The following NALF1 variants were observed in gnomAD, a reference collection of about 807,000 sequenced individuals.
The protein encoded by NALF1 is family with sequence similarity 155 member A.
Under a neutral mutation model 48.4 loss-of-function variants are expected in NALF1, and 3 were observed. The observed-to-expected ratio is 0.06, with a 90% CI of 0.03 to 0.16. NALF1 has a LOEUF of 0.16. NALF1 is among the 10% of genes least tolerant of loss of function. NALF1 has a pLI of 1.00. For synonymous variants in NALF1, 262 were observed against 245.7 expected (o/e 1.07, Z -0.62); for missense variants, 526 against 571.5 (o/e 0.92, Z 0.81).
At chr13:107,234,706 A>G (rs1294017448) in intron 1 of NALF1, among the ~76,000 whole-genome samples, 3 of 66,612 alleles carry the variant, frequency 4.5e-5, no homozygotes, top group Admixed American at 1.1e-4. Flanking sequence ...ATAAGCTTAG[A>G]AAAAAAAACC....
intron 1 of NALF1, among the ~76,000 whole-genome samples, chr13:107,384,935 T>G (rs927821864): frequency 6.6e-5 from 10 of 152,220 alleles, no homozygotes; most frequent in Non-Finnish European, 1.3e-4. Context: ...ATCCACTGCT[T>G]AGCTCTGGGA....
At position 107,769,153 on chromosome 13, in the gene NALF1, C is replaced by G. The variant is rs999944954; in HGVS notation, c.915+96529G>C. Among the ~76,000 whole-genome samples the G allele has an allele frequency of 1.5e-4, 22 of 148,418 alleles. 1 individual carries two copies. Among genetic ancestry groups the G allele is most frequent in the African/African-American group, 4.9e-4 (20 of 40,498 alleles). ...GTGGCAATTCCTCAGGGATCTAGAA[C>G]TGGAAATACCATTTGACCCAGCCAT... On this transcript the variant is annotated intron_variant, in intron 1 of 2. Coordinates refer to ENST00000375915, the MANE Select transcript of NALF1 (RefSeq NM_001080396.3).
rs185350304 is a variant in NALF1 at position 107,261,821 on chromosome 13, T to C, written c.916-51066A>G. Among the ~76,000 whole-genome samples the C allele has an allele frequency of 2.2e-3, 332 of 152,242 alleles. 1 individual carries two copies. Among genetic ancestry groups the C allele is most frequent in the Non-Finnish European group, 4.2e-3 (286 of 68,008 alleles). On this transcript the variant is annotated intron_variant, in intron 1 of 2. Coordinates refer to ENST00000375915, the MANE Select transcript of NALF1 (RefSeq NM_001080396.3). ...TTGAGCAAATAAATCACTAATTTCA[T>C]TATCAAACTAATAAAATAAATATAT...
intron 1 of NALF1, among the ~76,000 whole-genome samples, chr13:107,672,265 T>G (rs1177560351): frequency 6.6e-6 from 1 of 152,206 alleles, no homozygotes; most frequent in Non-Finnish European, 1.5e-5. Flanking sequence ...AGAGGAAGAT[T>G]GACTATTATA....
intron 1 of NALF1, among the ~76,000 whole-genome samples, chr13:107,507,320 T>C (rs115107068): frequency 0.038 from 5,841 of 152,046 alleles, 213 homozygotes; most frequent in African/African-American, 0.091. Context: ...AGCAGGAAGA[T>C]AGGGCTTCTT....
chr13:107,679,170 T>C (rs113000257), intron 1 of NALF1, among the ~76,000 whole-genome samples: 11 of 152,210 alleles, frequency 7.2e-5, no homozygotes, highest in Non-Finnish European at 1.5e-4. Flanking sequence ...AATATGATAA[T>C]TGCATCTAAA....
chr13:107,518,993 G>A (rs1002307338), intron 1 of NALF1, among the ~76,000 whole-genome samples: 2 of 152,172 alleles, frequency 1.3e-5, no homozygotes, highest in Non-Finnish European at 2.9e-5. Flanking sequence ...CAAATGCACA[G>A]GGAAATGGCG....
At chr13:107,243,914 G>A (rs1010693408) in intron 1 of NALF1, among the ~76,000 whole-genome samples, 2 of 152,074 alleles carry the variant, frequency 1.3e-5, no homozygotes, top group African/African-American at 4.8e-5. Context: ...GAAATGGGGG[G>A]CTTCCACCTC....
At chr13:107,756,020 A>G (rs1877082411) in intron 1 of NALF1, among the ~76,000 whole-genome samples, 1 of 152,214 alleles carries the variant, frequency 6.6e-6, no homozygotes, top group African/African-American at 2.4e-5. Flanking sequence ...TATTCACAGT[A>G]TCTAATGAGG....
At chr13:107,179,461 G>A (rs535577528) in intron 2 of NALF1, among the ~76,000 whole-genome samples, 1 of 152,046 alleles carries the variant, frequency 6.6e-6, no homozygotes, top group Non-Finnish European at 1.5e-5. Flanking sequence ...TAATACAACA[G>A]GGTAACTACA....
At chr13:107,371,457 TA>T (rs1217325045) in intron 1 of NALF1, among the ~76,000 whole-genome samples, 1 of 96,244 alleles carries the variant, frequency 1.0e-5, no homozygotes, top group Admixed American at 1.4e-4. Flanking sequence ...AAAATAAAAA[TA>T]AAATAAATAA....
intron 1 of NALF1, among the ~76,000 whole-genome samples, chr13:107,674,041 A>G (rs1470163099): frequency 6.6e-6 from 1 of 152,104 alleles, no homozygotes; most frequent in Non-Finnish European, 1.5e-5. Flanking sequence ...CAAAGACAAG[A>G]GCAACACCAA....
chr13:107,753,494 C>CTTTTTTTTTTTTTTTTTTTT (rs200846121), intron 1 of NALF1, among the ~76,000 whole-genome samples: 1 of 137,086 alleles, frequency 7.3e-6, no homozygotes, highest in Non-Finnish European at 1.6e-5. Context: ...CCAAGGCAGT[C>CTTTTTTTTTTTTTTTTTTTT]TTTTTTTTTT....
At chr13:107,337,373 T>C (rs189032087) in intron 1 of NALF1, among the ~76,000 whole-genome samples, 3 of 152,328 alleles carry the variant, frequency 2.0e-5, no homozygotes, top group African/African-American at 7.2e-5. Context: ...AAATATAACA[T>C]TTTTAAACAT....
rs117902505 is a variant in NALF1, at chr13:107,350,485, A to G, written c.916-139730T>C. ...CTAGTCCTCTTTTGAATTGCAAAAG[A>G]GAAACTTAAAACAATCAGTGAAGCT... On this transcript the variant is annotated intron_variant, in intron 1 of 2. Coordinates refer to ENST00000375915, the MANE Select transcript of NALF1 (RefSeq NM_001080396.3). Among the ~76,000 whole-genome samples the G allele has an allele frequency of 1.1e-3, 171 of 152,374 alleles. 4 individuals carry two copies. The East Asian group carries it at 0.029, about 26-fold the overall frequency.
intron 1 of NALF1, among the ~76,000 whole-genome samples, chr13:107,322,905 T>C (rs939341106): frequency 6.6e-6 from 1 of 152,134 alleles, no homozygotes; most frequent in African/African-American, 2.4e-5. Flanking sequence ...TCAAGGGTGT[T>C]CCTGTTCCCT....
chr13:107,789,206 A>G (rs1183907325), intron 1 of NALF1: 2 of 152,244 alleles, frequency 1.3e-5, no homozygotes, highest in Non-Finnish European at 2.9e-5. Context: ...AGAGATCATG[A>G]TACTACAATT....
chr13:107,539,624 AAAC>A (rs1876941097), intron 1 of NALF1, among the ~76,000 whole-genome samples: 2 of 152,190 alleles, frequency 1.3e-5, no homozygotes, highest in Admixed American at 6.6e-5. Flanking sequence ...GACTATTAAA[AAAC>A]AATACATTAA....
chr13:107,461,059 T>A (rs1433648005), intron 1 of NALF1, among the ~76,000 whole-genome samples: 1 of 152,162 alleles, frequency 6.6e-6, no homozygotes, highest in Admixed American at 6.5e-5. Flanking sequence ...TGATTTTAAC[T>A]GTCCTTCTAA....
Sources: gnomAD v4.1 joint callset for allele counts (sites outside exome capture counted in the v4.1 genomes callset) on GRCh38, gnomAD v4.1.1 for gene constraint, MANE v1.5 for transcripts, NCBI Gene and HGNC (gene_info 2026-07-23, HGNC 2026-07-21) for gene names.